The following CIAO2B variants were observed in gnomAD, a reference collection of about 807,000 sequenced individuals.
CIAO2B encodes the protein cytosolic iron-sulfur assembly component 2B.
A neutral mutation model predicts 16.4 loss-of-function variants in CIAO2B; 20 were observed. That is an observed-to-expected ratio of 1.22 (90% confidence interval 0.86 to 1.77). CIAO2B has a LOEUF of 1.77. Among genes scored for constraint, CIAO2B ranks in the 40% most tolerant of loss-of-function variants. The pLI is 0.00. For synonymous variants in CIAO2B, 106 were observed against 90.4 expected (o/e 1.17, Z -0.98); for missense variants, 215 against 222.4 (o/e 0.97, Z 0.21).
At chr16:66,932,386 T>C in intron 4 of CIAO2B, 86 bp from the exon 5 acceptor site, 1 of 1,025,154 alleles carries the variant, frequency 9.8e-7, no homozygotes, top group Non-Finnish European at 1.5e-6. Context: ...TGAACCTCTA[T>C]ATAGGATATG....
chr16:66,934,330 A>T lies in CIAO2B; in HGVS notation c.35T>A (p.Leu12Gln). The T allele has an allele frequency of 6.3e-7, 1 of 1,591,646 alleles. No individual in the cohort carries two copies. The highest frequency in any genetic ancestry group is 8.5e-7 in the Non-Finnish European group (1 of 1,174,220). Residue 12 changes from leucine (L) to glutamine (Q), a missense_variant, in exon 1 of 5, where the codon CTG becomes CAG. Transcript: ENST00000422424. This position sits in a 1 kb window ranked among gnomAD's most constrained non-coding sequence, Gnocchi z 4.1. ...GTAGATGAGGGGGTTGGCATTCTCC[A>T]GGAGGCCGCCGCCGACCCCGCCGCC... ...VGGGGVGGGL[L>Q]ENANPLIYQR...
Position 66,933,988 on chromosome 16 carries a change from T to C in CIAO2B, c.221A>G (p.Gln74Arg), listed in dbSNP as rs781034775. ...TCGCTCCCCTCGGAAGTGACTCACC[T>C]GAACCCGCACCTGCTCTACTACGTT... ...ELNVVEQVRV[Q>R]VSDPESTVAV... The change falls in exon 2 of 5, where the codon CAG becomes CGG. Residue 74 changes from glutamine (Q) to arginine (R), a missense_variant and splice_region_variant. By Grantham distance (43) the Gln-to-Arg change is conservative. Coordinates refer to ENST00000422424, the MANE Select transcript of CIAO2B (RefSeq NM_016062.4). The C allele has an allele frequency of 6.2e-7, 1 of 1,613,670 alleles. No homozygotes were observed. Among genetic ancestry groups the C allele is most frequent in the Non-Finnish European group, 8.5e-7 (1 of 1,179,834 alleles).
chr16:66,933,675 G>A lies in CIAO2B; in HGVS notation c.287C>T (p.Ala96Val), dbSNP rs1963111815. The A allele has an allele frequency of 6.2e-7, 1 of 1,603,034 alleles. No homozygotes were observed. Among genetic ancestry groups the A allele is most frequent in the Non-Finnish European group, 8.5e-7 (1 of 1,174,768 alleles). The stretch of plus-strand genomic sequence containing the variant: ...CTTGATGGACAGACCAATAAGGGTG[G>A]CCATGCTGCAGTGCGGAATGGTTGG... ...FTPTIPHCSM[A>V]TLIGLSIKVK... Residue 96 changes from alanine (A) to valine (V), a missense_variant, in exon 3 of 5, where the codon GCC becomes GTC. By Grantham distance (64) the Ala-to-Val change is moderately conservative. Transcript: ENST00000422424.
intron 4 of CIAO2B, chr16:66,932,523 C>G (rs771066043): frequency 2.8e-6 from 2 of 718,466 alleles, no homozygotes; most frequent in Admixed American, 2.0e-5. Flanking sequence ...CTGCCTCCTG[C>G]GCTGCTGAAG....
chr16:66,932,128 A>G lies in CIAO2B; in HGVS notation c.*75T>C. 1 of 1,165,178 alleles carries G rather than the reference A, an allele frequency of 8.6e-7. No individual in the cohort carries two copies. Among genetic ancestry groups the G allele is most frequent in the South Asian group, 1.5e-5 (1 of 68,370 alleles). The allele number at this position is 1,165,178 out of a possible 1,614,324, so 72.2% of individuals were successfully genotyped here. A position where few individuals can be genotyped will look rare whatever the true frequency, so the allele number is the denominator to read the frequency against. ...AGTTTCTCATTGTGAGTGATTCAAG[A>G]AAACAACGGTAACAGCCCTGGCAGG... On this transcript the variant is annotated 3_prime_UTR_variant, in exon 5 of 5. Coordinates refer to ENST00000422424, the MANE Select transcript of CIAO2B (RefSeq NM_016062.4).
chr16:66,932,797 T>A lies in CIAO2B; in HGVS notation c.377A>T (p.His126Leu), dbSNP rs747899062. The A allele has an allele frequency of 4.0e-5, 65 of 1,611,766 alleles. No individual in the cohort carries two copies. Among genetic ancestry groups the A allele is most frequent in the Non-Finnish European group, 5.5e-5 (65 of 1,179,060 alleles). The change falls in exon 4 of 5, where the codon CAT (histidine) becomes CTT (leucine). Residue 126 changes from histidine to leucine, a missense_variant. By Grantham distance (99) the His-to-Leu change is moderately conservative. Coordinates refer to ENST00000422424, the MANE Select transcript of CIAO2B (RefSeq NM_016062.4). ...KMDVHITPGT[H>L]ASEHAVNKQL... ...ACACTTACCTGCATGCTCTGAGGCA[T>A]GGGTCCCCGGAGTAATGTGCACGTC...
chr16:66,932,364 C>G (rs1227955913), intron 4 of CIAO2B, 64 bp from the exon 5 acceptor site: 3 of 1,329,548 alleles, frequency 2.3e-6, no homozygotes, highest in Non-Finnish European at 3.2e-6. Context: ...GAGTGCTAGC[C>G]AGCCCTACCT....
At chr16:66,933,934 C>G (rs1411050357) in intron 2 of CIAO2B, 53 bp downstream of exon 2, 12 of 1,605,480 alleles carry the variant, frequency 7.5e-6, no homozygotes, top group Admixed American at 1.7e-5. Context: ...TCCTGCTGCA[C>G]AGAAACCTTT....
At chr16:66,933,903 G>C in intron 2 of CIAO2B, 84 bp downstream of exon 2, 1 of 1,576,606 alleles carries the variant, frequency 6.3e-7, no homozygotes, top group Non-Finnish European at 8.6e-7. Flanking sequence ...TTCGGTGTTC[G>C]TGAGCATAGA....
In CIAO2B at chr16:66,934,217, G is replaced by A. The variant is rs1415411278; in HGVS notation, c.142+6C>T. On this transcript the variant is annotated splice_donor_region_variant and intron_variant, in intron 1 of 4. Coordinates refer to ENST00000422424, the MANE Select transcript of CIAO2B (RefSeq NM_016062.4). The surrounding 1 kb of genome is among the most constrained non-coding windows in gnomAD (Gnocchi z 4.1). ...GAACCCGCCCGCGCCCAGCAGCGGC[G>A]GATATCGAAGATCTCGCGTGCGTCG... 7 of 1,608,440 alleles carry A rather than the reference G, an allele frequency of 4.4e-6. No individual in the cohort carries two copies. Among genetic ancestry groups the A allele is most frequent in the Admixed American group, 1.7e-5 (1 of 59,810 alleles).
In CIAO2B at chr16:66,934,161, A is replaced by T; in HGVS notation, c.142+62T>A. On this transcript the variant is annotated intron_variant, in intron 1 of 4. Transcript: ENST00000422424. This position sits in a 1 kb window ranked among gnomAD's most constrained non-coding sequence, Gnocchi z 4.1. Reference sequence around the variant, plus strand: ...GGGATGCGGCTCCACCAGCTGCTCGATATCACTGCTCCCCCCACCGCAAGC... The same window carrying T: ...GGGATGCGGCTCCACCAGCTGCTCGTTATCACTGCTCCCCCCACCGCAAGC... The T allele has an allele frequency of 6.2e-7, 1 of 1,610,788 alleles. No homozygotes were observed. Among genetic ancestry groups the T allele is most frequent in the South Asian group, 1.1e-5 (1 of 90,820 alleles).
intron 3 of CIAO2B, 84 bp downstream of exon 3, chr16:66,933,530 C>T: frequency 6.6e-7 from 1 of 1,524,570 alleles, no homozygotes; most frequent in South Asian, 1.2e-5. Flanking sequence ...GATGTCCTAT[C>T]CATGTTCATG....
chr16:66,934,188 C>G lies in CIAO2B; in HGVS notation c.142+35G>C. The G allele has an allele frequency of 6.2e-7, 1 of 1,608,796 alleles. No homozygotes were observed. Among genetic ancestry groups the G allele is most frequent in the Non-Finnish European group, 8.5e-7 (1 of 1,177,660 alleles). On this transcript the variant is annotated intron_variant, in intron 1 of 4. Transcript: ENST00000422424. This position sits in a 1 kb window ranked among gnomAD's most constrained non-coding sequence, Gnocchi z 4.1. ...ATCACTGCTCCCCCCACCGCAAGCC[C>G]CCGGAACCCGCCCGCGCCCAGCAGC...
rs1963078042 is a variant in CIAO2B at position 66,932,639 on chromosome 16, C to G, written c.394+141G>C. ...AGGCCAGCTTCGGTCTAGGCTATAA[C>G]CCATACTGAGGAGTCTCTGGCAATT... is the stretch of plus-strand genomic sequence containing the variant. On this transcript the variant is annotated intron_variant, in intron 4 of 4. Transcript: ENST00000422424. 30 of 998,986 alleles carry G rather than the reference C, an allele frequency of 3.0e-5. 1 individual carries two copies. The South Asian group carries it at 3.6e-4, about 12-fold the overall frequency. 61.9% of individuals were successfully genotyped at this position (998,986 alleles called of 1,614,324 possible).
At chr16:66,932,401 C>T in intron 4 of CIAO2B, 101 bp from the exon 5 acceptor site, 1 of 919,100 alleles carries the variant, frequency 1.1e-6, no homozygotes, top group Non-Finnish European at 1.7e-6. Context: ...GATATGTCCC[C>T]CGCAGCAACA....
chr16:66,932,344 G>GCTCTGGCTAGCA, intron 4 of CIAO2B, 44 bp from the exon 5 acceptor site: 1 of 1,520,030 alleles, frequency 6.6e-7, no homozygotes, highest in Non-Finnish European at 9.1e-7. Flanking sequence ...TCAAAGCTAG[G>GCTCTGGCTAGCA]CTCTGGCCAG....
rs1204527408 is a variant in CIAO2B at position 66,934,114 on chromosome 16, C to T, written c.143-48G>A. On this transcript the variant is annotated intron_variant, in intron 1 of 4. Transcript: ENST00000422424. The surrounding 1 kb of genome is among the most constrained non-coding windows in gnomAD (Gnocchi z 4.1). The stretch of plus-strand genomic sequence containing the variant: ...CTCTGCGCCCTTGCCCACTTAGAAC[C>T]CTCTGCCAGGAACGCCCTGCTGGGA... 1.2e-6 allele frequency: 2 copies of T among 1,612,062 alleles called. No homozygotes were observed. Among genetic ancestry groups the T allele is most frequent in the East Asian group, 2.2e-5 (1 of 44,860 alleles).
At chr16:66,932,388 T>A in intron 4 of CIAO2B, 88 bp from the exon 5 acceptor site, 1 of 1,003,734 alleles carries the variant, frequency 1.0e-6, no homozygotes, top group South Asian at 1.4e-5. Context: ...AACCTCTATA[T>A]AGGATATGTC....
chr16:66,932,541 C>A (rs1253219947), intron 4 of CIAO2B: 1 of 720,828 alleles, frequency 1.4e-6, no homozygotes, highest in African/African-American at 1.7e-5. Context: ...AAGCCTGACA[C>A]ACTCTGGTCC....
Sources: gnomAD v4.1 joint callset for allele counts on GRCh38, gnomAD v4.1.1 for gene constraint, Gnocchi (gnomAD v3.1) non-coding constraint, MANE v1.5 for transcripts, NCBI Gene and HGNC (gene_info 2026-07-23, HGNC 2026-07-21) for gene names.